Variants in PCGF5 observed in about 807,000 individuals in gnomAD.
The protein encoded by PCGF5 is polycomb group RING finger protein 5.
A neutral mutation model predicts 44.3 loss-of-function variants in PCGF5; 9 were observed. The ratio of observed to expected loss-of-function variants is 0.20; its 90% CI spans 0.12 to 0.35. PCGF5 has a LOEUF of 0.35. Ranked by LOEUF, PCGF5 falls within the 10% of genes least tolerant of loss-of-function variation. The pLI, the probability that PCGF5 is intolerant of heterozygous loss-of-function variation, is 1.00. For synonymous variants in PCGF5, 95 were observed against 102.5 expected, an observed-to-expected ratio of 0.93 and a Z score of 0.44; for missense variants, 146 against 305.3, an observed-to-expected ratio of 0.48 and a Z score of 3.89.
At chr10:91,219,869 C>G (rs900020345), upstream of PCGF5, among the ~76,000 whole-genome samples, 1 of 152,102 alleles carries the variant, frequency 6.6e-6, no homozygotes, top group African/African-American at 2.4e-5. Context: ...TGGTTTGCCA[C>G]TTAGAGTCAT....
chr10:91,237,145 A>G (rs922440193), intron 2 of PCGF5, among the ~76,000 whole-genome samples: 2 of 152,244 alleles, frequency 1.3e-5, no homozygotes, highest in Non-Finnish European at 2.9e-5. Context: ...GCCAAATGCT[A>G]TCTAATTAAT....
At chr10:91,197,195 G>A (rs551924687) in intron 1 of PCGF5, among the ~76,000 whole-genome samples, 32 of 152,160 alleles carry the variant, frequency 2.1e-4, no homozygotes, top group Non-Finnish European at 4.1e-4. Context: ...GGTCAGCAGC[G>A]TAGCCTGTCT....
intron 9 of PCGF5, among the ~76,000 whole-genome samples, chr10:91,274,123 A>G (rs1349708276): frequency 6.6e-6 from 1 of 151,950 alleles, no homozygotes; most frequent in East Asian, 1.9e-4. Flanking sequence ...GTATGTATAT[A>G]TATATGTAAT....
At chr10:91,192,809 A>G (rs1030481764) in intron 1 of PCGF5, among the ~76,000 whole-genome samples, 14 of 152,206 alleles carry the variant, frequency 9.2e-5, no homozygotes, top group African/African-American at 3.4e-4. Context: ...GGGTTGTAGT[A>G]TAAATACCAT....
chr10:91,189,520 A>G (rs1843992940), intron 1 of PCGF5, among the ~76,000 whole-genome samples: 1 of 152,268 alleles, frequency 6.6e-6, no homozygotes, highest in African/African-American at 2.4e-5. Context: ...ACTTAGTAAT[A>G]TATGACATAA....
At chr10:91,275,456 T>A (rs1484355963) in intron 9 of PCGF5, among the ~76,000 whole-genome samples, 1 of 151,754 alleles carries the variant, frequency 6.6e-6, no homozygotes. Context: ...TTTTTTTTTT[T>A]TTTGAGATGG....
chr10:91,234,787 G>A (rs1276466032), intron 2 of PCGF5, among the ~76,000 whole-genome samples: 3 of 152,138 alleles, frequency 2.0e-5, no homozygotes, highest in Non-Finnish European at 4.4e-5. Context: ...CTGTGAGATA[G>A]GTACCTTTGT....
At chr10:91,160,646 A>G (rs940273621), upstream of PCGF5, among the ~76,000 whole-genome samples, 2 of 152,108 alleles carry the variant, frequency 1.3e-5, no homozygotes, top group Non-Finnish European at 2.9e-5. Context: ...CTGGGGGGGA[A>G]AAGAAGTCAG....
rs992042320 is a variant in PCGF5 at position 91,282,453 on chromosome 10, C to T, written c.*4137C>T. On this transcript the variant is annotated 3_prime_UTR_variant, in exon 10 of 10. Coordinates refer to ENST00000336126, the MANE Select transcript of PCGF5 (RefSeq NM_032373.5). ...GAGCCGCAATTACACCACTGCACTCCAGCCTGGGTGACACAGCGAGTCTCC... is the reference window on the plus strand; with the variant it reads ...GAGCCGCAATTACACCACTGCACTCTAGCCTGGGTGACACAGCGAGTCTCC... 6.6e-6 allele frequency: 1 copy of T among 152,654 alleles called. No individual in the cohort carries two copies. Among genetic ancestry groups the T allele is most frequent in the African/African-American group, 2.4e-5 (1 of 41,454 alleles). The allele number at this position is 152,654 out of a possible 1,614,324, so 9.5% of individuals were successfully genotyped here.
At chr10:91,177,715 A>T (rs1202146787) in intron 1 of PCGF5, among the ~76,000 whole-genome samples, 1 of 152,208 alleles carries the variant, frequency 6.6e-6, no homozygotes, top group Non-Finnish European at 1.5e-5. Context: ...CAGGTGCAGG[A>T]TATAATCTCC....
intron 1 of PCGF5, among the ~76,000 whole-genome samples, chr10:91,176,204 A>C (rs1843703646): frequency 6.6e-6 from 1 of 152,178 alleles, no homozygotes; most frequent in African/African-American, 2.4e-5. Flanking sequence ...TTCTGGGTTG[A>C]AAATTCTTTT....
chr10:91,201,723 CT>C (rs759618961), intron 1 of PCGF5, among the ~76,000 whole-genome samples: 3,937 of 136,626 alleles, frequency 0.029, 56 homozygotes, highest in African/African-American at 0.045. Context: ...TCCAGAAAAC[CT>C]TTTTTTTTTT....
intron 1 of PCGF5, among the ~76,000 whole-genome samples, chr10:91,199,241 G>A (rs1844200788): frequency 1.3e-5 from 2 of 152,160 alleles, no homozygotes; most frequent in Admixed American, 1.3e-4. Context: ...GGGTTCCCTG[G>A]GAAGCTGACT....
At chr10:91,156,228 C>T in the PCGF5 span, among the ~76,000 whole-genome samples, 2 of 152,112 alleles carry the variant, frequency 1.3e-5, no homozygotes, top group African/African-American at 4.8e-5. Context: ...TGGTGTGCCA[C>T]ATACAAGGCA....
intron 6 of PCGF5, among the ~76,000 whole-genome samples, chr10:91,253,764 C>T (rs118016289): frequency 0.017 from 2,658 of 152,178 alleles, 55 homozygotes; most frequent in Middle Eastern, 0.037. Context: ...GCTAGGGCCA[C>T]TTGCCTGAGT....
At chr10:91,173,247 G>A (rs1404882864) in intron 1 of PCGF5, among the ~76,000 whole-genome samples, 1 of 152,140 alleles carries the variant, frequency 6.6e-6, no homozygotes, top group Non-Finnish European at 1.5e-5. Context: ...ATTTGGTGGG[G>A]GATTGGTTTA....
intron 1 of PCGF5, among the ~76,000 whole-genome samples, chr10:91,164,632 G>A (rs1255897928): frequency 6.6e-6 from 1 of 152,174 alleles, no homozygotes; most frequent in Non-Finnish European, 1.5e-5. Context: ...AGGAACCTCG[G>A]TTGCCATTCA....
intron 6 of PCGF5, 47 bp downstream of exon 6, chr10:91,251,487 A>G: frequency 6.5e-7 from 1 of 1,540,264 alleles, no homozygotes; most frequent in Non-Finnish European, 8.8e-7. Flanking sequence ...TTTATAGTAA[A>G]CCCTTGATAA....
At chr10:91,206,975 A>G (rs1315196267) in intron 1 of PCGF5, among the ~76,000 whole-genome samples, 1 of 151,814 alleles carries the variant, frequency 6.6e-6, no homozygotes, top group African/African-American at 2.4e-5. Context: ...GACCTTATTT[A>G]TTTGTTTATT....
Sources: gnomAD v4.1 joint callset for allele counts (sites outside exome capture counted in the v4.1 genomes callset) on GRCh38, gnomAD v4.1.1 for gene constraint, MANE v1.5 for transcripts, NCBI Gene and HGNC (gene_info 2026-07-23, HGNC 2026-07-21) for gene names.